Variants in LRP1B observed in about 807,000 individuals in gnomAD.
LRP1B encodes low-density lipoprotein receptor-related protein 1B.
A neutral mutation model predicts 556.6 loss-of-function variants in LRP1B; 217 were observed. The observed-to-expected ratio is 0.39, with a 90% CI of 0.35 to 0.44. The LOEUF (loss-of-function observed/expected upper bound fraction) is 0.44. Ranked by LOEUF, LRP1B falls within the 20% of genes least tolerant of loss-of-function variation. The pLI, the probability that LRP1B is intolerant of heterozygous loss-of-function variation, is 1.00. For missense variants in LRP1B, 5,053 were observed against 5,620.8 expected, an observed-to-expected ratio of 0.90 and a Z score of 3.23; for synonymous variants, 2,047 against 1,865.8, an observed-to-expected ratio of 1.10 and a Z score of -2.50.
chr2:140,895,256 A>G (rs1345261302), intron 23 of LRP1B, among the ~76,000 whole-genome samples: 1 of 152,260 alleles, frequency 6.6e-6, no homozygotes, highest in Non-Finnish European at 1.5e-5. Context: ...TCAGGCTGAG[A>G]TAAAAAAATT....
chr2:141,793,301 G>T (rs1237513220), intron 2 of LRP1B, among the ~76,000 whole-genome samples: 1 of 151,834 alleles, frequency 6.6e-6, no homozygotes, highest in Non-Finnish European at 1.5e-5. Flanking sequence ...TATGAGTAAC[G>T]CTAAGGAGAA....
At chr2:140,729,821 TACA>T (rs1214645814) in intron 35 of LRP1B, among the ~76,000 whole-genome samples, 3 of 152,310 alleles carry the variant, frequency 2.0e-5, no homozygotes, top group South Asian at 2.1e-4. Flanking sequence ...TAGAAGATAG[TACA>T]ACATTTCAGA....
At chr2:140,514,387 G>A (rs1238157731) in intron 51 of LRP1B, among the ~76,000 whole-genome samples, 3 of 151,864 alleles carry the variant, frequency 2.0e-5, no homozygotes, top group Middle Eastern at 6.8e-3. Flanking sequence ...TTGCTTCAAA[G>A]AATTCACCGA....
chr2:141,519,771 A>G (rs923972560), intron 2 of LRP1B, among the ~76,000 whole-genome samples: 3 of 152,090 alleles, frequency 2.0e-5, no homozygotes, highest in African/African-American at 4.8e-5. Flanking sequence ...CAGACTGAGT[A>G]GGAAAAAAAG....
intron 1 of LRP1B, among the ~76,000 whole-genome samples, chr2:142,035,014 C>A (rs1703831707): frequency 6.6e-6 from 1 of 151,676 alleles, no homozygotes; most frequent in African/African-American, 2.4e-5. Flanking sequence ...TTATTTCATT[C>A]ATTTACTAAT....
chr2:140,619,524 GA>G (rs1364455795), intron 41 of LRP1B, among the ~76,000 whole-genome samples: 9 of 152,242 alleles, frequency 5.9e-5, no homozygotes, highest in South Asian at 2.1e-4. Context: ...TGAATAAACT[GA>G]AAACTAATTT....
At chr2:140,850,072 T>C (rs771142427) in intron 29 of LRP1B, 30 bp downstream of exon 29, 3 of 1,371,760 alleles carry the variant, frequency 2.2e-6, no homozygotes, top group East Asian at 2.3e-5. Flanking sequence ...ACAAACACTT[T>C]TAAAGTTGTA....
chr2:141,746,645 G>GA (rs201737852), intron 2 of LRP1B, among the ~76,000 whole-genome samples: 120 of 147,086 alleles, frequency 8.2e-4, no homozygotes, highest in African/African-American at 1.7e-3. Context: ...TTTCTATGCA[G>GA]AAAAAAAAAA....
At position 140,453,325 on chromosome 2, in the gene LRP1B, C is replaced by A. The variant is rs149476375; in HGVS notation, c.9964-2664G>T. Among the ~76,000 whole-genome samples the A allele has an allele frequency of 3.8e-3, 570 of 151,924 alleles. 5 individuals are homozygous for A. Among genetic ancestry groups the A allele is most frequent in the African/African-American group, 0.013 (531 of 41,512 alleles). On this transcript the variant is annotated intron_variant, in intron 62 of 90. Coordinates refer to ENST00000389484, the MANE Select transcript of LRP1B (RefSeq NM_018557.3). ...GGTAAAATATACTTATCTTATTTTT[C>A]ATGTTAATCAATATTTTATTCTCAC...
At chr2:141,151,158 C>T (rs1295376129) in intron 7 of LRP1B, among the ~76,000 whole-genome samples, 1 of 152,034 alleles carries the variant, frequency 6.6e-6, no homozygotes, top group African/African-American at 2.4e-5. Context: ...TTATTTCTAG[C>T]CAATGCTATG....
At chr2:140,275,710 C>T (rs1292490569) in intron 84 of LRP1B, among the ~76,000 whole-genome samples, 4 of 151,932 alleles carry the variant, frequency 2.6e-5, no homozygotes, top group African/African-American at 9.7e-5. Context: ...AGGCTATTAT[C>T]CTTTTCTAAG....
intron 3 of LRP1B, among the ~76,000 whole-genome samples, chr2:141,255,874 A>G (rs761283890): frequency 2.2e-4 from 33 of 152,070 alleles, no homozygotes; most frequent in Middle Eastern, 6.8e-3. Flanking sequence ...ATATCACTTC[A>G]GCAGTGCTAC....
chr2:141,292,890 A>G (rs1686031317), intron 3 of LRP1B, among the ~76,000 whole-genome samples: 1 of 152,240 alleles, frequency 6.6e-6, no homozygotes, highest in African/African-American at 2.4e-5. Context: ...AATCTGAATA[A>G]TGCATGAACT....
chr2:140,451,058 C>A (rs115483820), intron 62 of LRP1B, among the ~76,000 whole-genome samples: 2,414 of 152,258 alleles, frequency 0.016, 64 homozygotes, highest in African/African-American at 0.055. Flanking sequence ...TCTCCCACCT[C>A]AGCCTCCAGA....
intron 2 of LRP1B, among the ~76,000 whole-genome samples, chr2:141,667,562 G>A (rs1690491478): frequency 6.6e-6 from 1 of 152,136 alleles, no homozygotes; most frequent in African/African-American, 2.4e-5. Flanking sequence ...ATTGCTTGTG[G>A]TAACTGGGGT....
At chr2:140,414,372 T>C (rs1249653568) in intron 66 of LRP1B, among the ~76,000 whole-genome samples, 1 of 152,184 alleles carries the variant, frequency 6.6e-6, no homozygotes, top group Non-Finnish European at 1.5e-5. Context: ...CCTCACATAA[T>C]AATAGTAAAA....
chr2:140,596,901 G>C (rs1420058894), intron 43 of LRP1B, among the ~76,000 whole-genome samples: 3 of 152,118 alleles, frequency 2.0e-5, no homozygotes. Context: ...ACAGTATCTA[G>C]AACACAATTA....
intron 3 of LRP1B, among the ~76,000 whole-genome samples, chr2:141,355,146 TG>T (rs1489323952): frequency 1.3e-5 from 2 of 152,094 alleles, no homozygotes; most frequent in African/African-American, 4.8e-5. Flanking sequence ...AATATCACCA[TG>T]TACTAAGTGA....
At chr2:141,282,465 T>TATATGTATATG (rs1685543672) in intron 3 of LRP1B, among the ~76,000 whole-genome samples, 3 of 135,690 alleles carry the variant, frequency 2.2e-5, no homozygotes, top group African/African-American at 2.7e-5. Context: ...CTCGGGGGTT[T>TATATGTATATG]TATATGTATA....
Sources: allele counts gnomAD v4.1 joint callset (sites outside exome capture counted in the v4.1 genomes callset), GRCh38; gene constraint gnomAD v4.1.1; transcripts MANE v1.5; gene names NCBI Gene and HGNC (gene_info 2026-07-23, HGNC 2026-07-21).